The following SBF2 variants were observed in gnomAD, a reference collection of about 807,000 sequenced individuals.
SBF2 encodes SET binding factor 2.
SBF2 carries 112 observed loss-of-function variants against 225.2 expected under a neutral mutation model. That is an observed-to-expected ratio of 0.50 (90% CI 0.43 to 0.58). The LOEUF is 0.58. Ranked by LOEUF, SBF2 falls within the 20% of genes least tolerant of loss-of-function variation. The pLI, the probability that SBF2 is intolerant of heterozygous loss-of-function variation, is 0.00. For synonymous variants in SBF2, 763 were observed against 773.3 expected, an observed-to-expected ratio of 0.99 and a Z score of 0.22; for missense variants, 1,996 against 2,206.2, an observed-to-expected ratio of 0.90 and a Z score of 1.91.
At chr11:10,058,144 A>G (rs1049112717) in intron 2 of SBF2, among the ~76,000 whole-genome samples, 6 of 152,236 alleles carry the variant, frequency 3.9e-5, no homozygotes, top group African/African-American at 1.2e-4. Flanking sequence ...CAGTTCTCCA[A>G]CAAGAGTTCT....
At position 9,875,872 on chromosome 11, in the gene SBF2, C is replaced by A. The variant is rs563577416; in HGVS notation, c.1930-17476G>T. Among the ~76,000 whole-genome samples the A allele has an allele frequency of 2.6e-5, 4 of 152,204 alleles. No homozygotes were observed. In the East Asian group the frequency reaches 7.7e-4, roughly 29 times the overall value. ...AGACACAAATGTGAAAGTATGCAGG[C>A]ACACACAAACACATAACACTCGTTA... On this transcript the variant is annotated intron_variant, in intron 17 of 39. Transcript: ENST00000256190.
chr11:9,853,885 T>C (rs1482951815), intron 19 of SBF2, among the ~76,000 whole-genome samples, 173 bp from the exon 20 acceptor site: 2 of 152,190 alleles, frequency 1.3e-5, no homozygotes, highest in East Asian at 3.8e-4. Context: ...AACACAATGT[T>C]CTACTAGTCT....
intron 19 of SBF2, 32 bp from the exon 20 acceptor site, chr11:9,853,744 G>A (rs758963709): frequency 1.4e-5 from 23 of 1,597,404 alleles, no homozygotes; most frequent in Non-Finnish European, 2.0e-5. Flanking sequence ...ATCATGGTCA[G>A]TACTTAAATG....
chr11:9,845,816 A>G (rs1179490913), intron 23 of SBF2, 76 bp from the exon 24 acceptor site: 1 of 1,351,340 alleles, frequency 7.4e-7, no homozygotes, highest in Non-Finnish European at 1.1e-6. Flanking sequence ...AACAGAATAT[A>G]ATAACACAAA....
intron 13 of SBF2, among the ~76,000 whole-genome samples, chr11:9,986,033 C>A (rs1235129586): frequency 6.6e-6 from 1 of 152,238 alleles, no homozygotes; most frequent in Non-Finnish European, 1.5e-5. Context: ...TATCATAGGA[C>A]ATAAAACAAG....
chr11:10,084,007 A>G (rs999057225), intron 2 of SBF2, among the ~76,000 whole-genome samples: 1 of 152,166 alleles, frequency 6.6e-6, no homozygotes, highest in African/African-American at 2.4e-5. Flanking sequence ...AATGTGAATT[A>G]ATTAAACCAA....
intron 2 of SBF2, among the ~76,000 whole-genome samples, chr11:10,156,134 G>A (rs998221796): frequency 6.6e-6 from 1 of 152,220 alleles, no homozygotes; most frequent in South Asian, 2.1e-4. Context: ...CTGTTCCCTG[G>A]CCTCTCCTCG....
chr11:10,270,895 T>G (rs892379322), intron 1 of SBF2, among the ~76,000 whole-genome samples: 4 of 143,890 alleles, frequency 2.8e-5, no homozygotes, highest in Non-Finnish European at 6.0e-5. Flanking sequence ...CTGGGGAGGC[T>G]GAGGCAGGAG....
chr11:9,978,663 G>C (rs11042580), intron 13 of SBF2, among the ~76,000 whole-genome samples: 30,551 of 151,782 alleles, frequency 0.2, 3,938 homozygotes, highest in Non-Finnish European at 0.3. Flanking sequence ...TTGTTTTTGA[G>C]ACAGGGTCTC....
chr11:10,057,423 C>T (rs1024849785), intron 2 of SBF2, among the ~76,000 whole-genome samples: 10 of 152,196 alleles, frequency 6.6e-5, no homozygotes, highest in Non-Finnish European at 1.0e-4. Context: ...TGGCAGCTGA[C>T]CCAAGGAGAG....
At chr11:9,930,412 CCTAAT>C (rs1025381143) in intron 16 of SBF2, among the ~76,000 whole-genome samples, 1 of 151,982 alleles carries the variant, frequency 6.6e-6, no homozygotes, top group Non-Finnish European at 1.5e-5. Flanking sequence ...GAAAATGCAA[CCTAAT>C]CTATAGTGGC....
intron 1 of SBF2, among the ~76,000 whole-genome samples, chr11:10,197,340 A>C (rs1287659643): frequency 6.6e-6 from 1 of 152,252 alleles, no homozygotes; most frequent in Non-Finnish European, 1.5e-5. Context: ...TGAATATTGC[A>C]ATAATGTGAG....
At chr11:10,167,444 C>A (rs1343993906) in intron 2 of SBF2, among the ~76,000 whole-genome samples, 1 of 152,110 alleles carries the variant, frequency 6.6e-6, no homozygotes, top group Non-Finnish European at 1.5e-5. Context: ...TGGCTCATGC[C>A]TATAGGCCCA....
Position 9,942,901 on chromosome 11 carries a change from G to GAGAAAGAAAGAAAGAAAGAAAGAA in SBF2, c.1860+19032_1860+19055dup, listed in dbSNP as rs1183181431. ...AAAGAAAAGAAAAGAAAGAGAGAGA[G>GAGAAAGAAAGAAAGAAAGAAAGAA]AGAAAGAAAGAAAGAAAGAAAGAAA... On this transcript the variant is annotated intron_variant, in intron 16 of 39. Coordinates refer to ENST00000256190, the MANE Select transcript of SBF2 (RefSeq NM_030962.4). Among the ~76,000 whole-genome samples the GAGAAAGAAAGAAAGAAAGAAAGAA allele has an allele frequency of 1.2e-3, 120 of 101,366 alleles. 3 individuals are homozygous for GAGAAAGAAAGAAAGAAAGAAAGAA. The highest frequency in any genetic ancestry group is 3.3e-3 in the South Asian group (10 of 3,070). 66.5% of individuals were successfully genotyped at this position (101,366 alleles called of 152,430 possible).
intron 1 of SBF2, among the ~76,000 whole-genome samples, chr11:10,260,129 T>C (rs1003659682): frequency 6.6e-6 from 1 of 152,178 alleles, no homozygotes. Flanking sequence ...TTAGAAATAA[T>C]ATAAAAAATT....
At position 10,036,541 on chromosome 11, in the gene SBF2, A is replaced by C. The variant is rs1039170552; in HGVS notation, c.280-5371T>G. On this transcript the variant is annotated intron_variant, in intron 3 of 39. Transcript: ENST00000256190. ...TAAAATCAGATATAGTTAACATGACAGAATAAGAAAAATAATACAGTAGTG... is the reference window on the plus strand; with the variant it reads ...TAAAATCAGATATAGTTAACATGACCGAATAAGAAAAATAATACAGTAGTG... Among the ~76,000 whole-genome samples the C allele has an allele frequency of 2.6e-5, 4 of 152,332 alleles. No individual in the cohort carries two copies. The East Asian group carries it at 7.7e-4, about 29-fold the overall frequency.
intron 14 of SBF2, among the ~76,000 whole-genome samples, chr11:9,965,581 C>T (rs1866854100): frequency 6.6e-6 from 1 of 152,144 alleles, no homozygotes; most frequent in South Asian, 2.1e-4. Flanking sequence ...AGCCACCGCG[C>T]CCAGCCTTAA....
chr11:10,001,147 CTTT>C, intron 7 of SBF2, 125 bp from the exon 8 acceptor site: 1 of 625,340 alleles, frequency 1.6e-6, no homozygotes, highest in South Asian at 1.9e-5. Context: ...TGTTTTCATG[CTTT>C]TTAATACTAA....
rs12575022 is a variant in SBF2 at position 9,833,522 on chromosome 11, G to T, written c.3456-1102C>A. Among the ~76,000 whole-genome samples the T allele has an allele frequency of 0.013, 1,921 of 150,060 alleles. 62 individuals are homozygous for T. The East Asian group carries it at 0.15, about 12-fold the overall frequency. On this transcript the variant is annotated intron_variant, in intron 26 of 39. Transcript: ENST00000256190. ...TGCAAGCTCCGCCTCCCGGGTTCAC[G>T]CCATTCTCCTGCCTCAGCCTCCCGA...
Sources: allele counts gnomAD v4.1 joint callset (sites outside exome capture counted in the v4.1 genomes callset), GRCh38; gene constraint gnomAD v4.1.1; transcripts MANE v1.5; gene names NCBI Gene and HGNC (gene_info 2026-07-23, HGNC 2026-07-21).